The following NECAB1 variants were observed in gnomAD, a reference collection of about 807,000 sequenced individuals.
NECAB1 encodes the protein N-terminal EF-hand calcium-binding protein 1.
NECAB1 carries 29 observed loss-of-function variants against 57.5 expected under a neutral mutation model. The ratio of observed to expected loss-of-function variants is 0.50; its 90% CI spans 0.38 to 0.69. The LOEUF is 0.69. Ranked by LOEUF, NECAB1 falls within the 30% of genes least tolerant of loss-of-function variation. The pLI, the probability that NECAB1 is intolerant of heterozygous loss-of-function variation, is 0.00. For missense variants in NECAB1, 372 were observed against 413.8 expected, an observed-to-expected ratio of 0.90 and a Z score of 0.88; for synonymous variants, 142 against 147.7, an observed-to-expected ratio of 0.96 and a Z score of 0.28.
chr8:90,924,549 T>A lies in NECAB1; in HGVS notation c.495-986T>A, dbSNP rs191290414. The stretch of plus-strand genomic sequence containing the variant: ...TATATCTCCTATAAAGAAATCTTGT[T>A]GGAGGCAGCTTAAGTATTATGTCCT... On this transcript the variant is annotated intron_variant, in intron 6 of 12. Transcript: ENST00000417640. 5.3e-4 allele frequency among the ~76,000 whole-genome samples: 81 copies of A among 152,348 alleles called. 2 individuals are homozygous for A. The highest frequency in any genetic ancestry group is 1.9e-3 in the Admixed American group (29 of 15,300).
intron 5 of NECAB1, among the ~76,000 whole-genome samples, chr8:90,912,448 G>T (rs1809851859): frequency 6.6e-6 from 1 of 152,080 alleles, no homozygotes; most frequent in East Asian, 1.9e-4. Context: ...AGAATATCTG[G>T]TTAAGATAGG....
At chr8:90,881,926 A>G (rs1563515747) in intron 5 of NECAB1, among the ~76,000 whole-genome samples, 2 of 152,214 alleles carry the variant, frequency 1.3e-5, no homozygotes, top group Non-Finnish European at 2.9e-5. Flanking sequence ...CACAGGGAAC[A>G]GCACGTGCAG....
chr8:90,848,239 A>G (rs758558784), intron 3 of NECAB1, among the ~76,000 whole-genome samples: 1 of 152,226 alleles, frequency 6.6e-6, no homozygotes, highest in Non-Finnish European at 1.5e-5. Context: ...CCTTTGCTAC[A>G]GTTCCCAGCA....
rs1207435045 is a variant in NECAB1, at chr8:90,824,697, C to G, written c.125-20C>G. On this transcript the variant is annotated intron_variant, in intron 2 of 12. Coordinates refer to ENST00000417640, the MANE Select transcript of NECAB1 (RefSeq NM_022351.5). ...TACAAAATTAAAATAATTTGTGTCT[C>G]TTTGTTCTTGCCATTTCAGATGATG... 7.0e-7 allele frequency: 1 copy of G among 1,431,878 alleles called. No homozygotes were observed. The highest frequency in any genetic ancestry group is 9.5e-7 in the Non-Finnish European group (1 of 1,051,292). The allele number at this position is 1,431,878 out of a possible 1,614,324, so 88.7% of individuals were successfully genotyped here. A position where few individuals can be genotyped will look rare whatever the true frequency, so the allele number is the denominator to read the frequency against.
intron 2 of NECAB1, among the ~76,000 whole-genome samples, chr8:90,801,922 T>C (rs933870160): frequency 1.3e-5 from 2 of 152,242 alleles, no homozygotes; most frequent in Non-Finnish European, 2.9e-5. Context: ...GGAATGTTTA[T>C]GCCTTTGAAG....
intron 2 of NECAB1, among the ~76,000 whole-genome samples, chr8:90,819,106 T>C (rs950359818): frequency 5.3e-5 from 8 of 151,996 alleles, no homozygotes; most frequent in Non-Finnish European, 8.8e-5. Context: ...AACAGAGGTA[T>C]TCTTCATTTC....
At chr8:90,854,114 G>A (rs1812746240) in intron 3 of NECAB1, among the ~76,000 whole-genome samples, 1 of 152,150 alleles carries the variant, frequency 6.6e-6, no homozygotes, top group South Asian at 2.1e-4. Context: ...TAAGACACAT[G>A]TAAGTTTCAA....
chr8:90,880,299 C>T (rs1808812966), intron 4 of NECAB1, among the ~76,000 whole-genome samples: 1 of 152,034 alleles, frequency 6.6e-6, no homozygotes, highest in African/African-American at 2.4e-5. Context: ...TGTCTGAAAA[C>T]CCTAGATCTT....
chr8:90,883,019 G>GA (rs1170387464), intron 5 of NECAB1, among the ~76,000 whole-genome samples: 1 of 152,000 alleles, frequency 6.6e-6, no homozygotes, highest in African/African-American at 2.4e-5. Context: ...CTAATAGGAA[G>GA]AAAAAAACAA....
rs114527730 is a variant in NECAB1, at chr8:90,804,881, T to C, written c.124+3166T>C. ...TGACCTCTACCATGTCATGTGGTAA[T>C]TATGAATAATAAATGAGGGACTATC... On this transcript the variant is annotated intron_variant, in intron 2 of 12. Coordinates refer to ENST00000417640, the MANE Select transcript of NECAB1 (RefSeq NM_022351.5). 2.3e-3 allele frequency among the ~76,000 whole-genome samples: 352 copies of C among 152,320 alleles called. 4 individuals are homozygous for C. The highest frequency in any genetic ancestry group is 7.8e-3 in the African/African-American group (325 of 41,564).
At chr8:90,895,460 C>T (rs1809301940) in intron 5 of NECAB1, among the ~76,000 whole-genome samples, 1 of 152,194 alleles carries the variant, frequency 6.6e-6, no homozygotes. Context: ...GGTGCCACCT[C>T]AAATCCAGTT....
chr8:90,945,076 T>G (rs189393423), intron 10 of NECAB1, among the ~76,000 whole-genome samples: 1 of 151,972 alleles, frequency 6.6e-6, no homozygotes, highest in Non-Finnish European at 1.5e-5. Context: ...TTATTTATTT[T>G]TTTTTGAGAT....
rs1311828989 is a variant in NECAB1, at chr8:90,801,676, C to G, written c.100-15C>G. 1 of 1,512,458 alleles carries G rather than the reference C, an allele frequency of 6.6e-7. No individual in the cohort carries two copies. The highest frequency in any genetic ancestry group is 8.9e-7 in the Non-Finnish European group (1 of 1,123,448). The allele number at this position is 1,512,458 out of a possible 1,614,324, so 93.7% of individuals were successfully genotyped here. A position where few individuals can be genotyped will look rare whatever the true frequency, so the allele number is the denominator to read the frequency against. ...TCTAAAATGCTGATAAAATTTTTTC[C>G]TTTTTCCTTTCCAGATACTGAGGAG... On this transcript the variant is annotated splice_polypyrimidine_tract_variant and intron_variant, in intron 1 of 12. Transcript: ENST00000417640.
At chr8:90,927,293 C>G (rs192152987) in intron 7 of NECAB1, among the ~76,000 whole-genome samples, 18 of 146,088 alleles carry the variant, frequency 1.2e-4, no homozygotes, top group African/African-American at 4.1e-4. Context: ...GGTGCTTCCT[C>G]CAAGAAGGCA....
At chr8:90,823,502 T>G (rs1812178364) in intron 2 of NECAB1, among the ~76,000 whole-genome samples, 4 of 151,666 alleles carry the variant, frequency 2.6e-5, no homozygotes, top group Admixed American at 2.0e-4. Context: ...TACCCACCCC[T>G]CCATGCCCTC....
intron 5 of NECAB1, among the ~76,000 whole-genome samples, chr8:90,895,581 A>G (rs1164972672): frequency 2.0e-5 from 3 of 152,220 alleles, no homozygotes; most frequent in African/African-American, 7.2e-5. Context: ...CAAATAATAT[A>G]ATAACAGCAT....
intron 3 of NECAB1, among the ~76,000 whole-genome samples, chr8:90,833,877 T>C (rs1192512508): frequency 6.6e-6 from 1 of 152,096 alleles, no homozygotes; most frequent in South Asian, 2.1e-4. Context: ...ATTTCAGAAT[T>C]CTCAGCCAGG....
intron 3 of NECAB1, among the ~76,000 whole-genome samples, chr8:90,834,164 CAAAA>C (rs71560282): frequency 6.1e-5 from 3 of 49,132 alleles, no homozygotes; most frequent in Admixed American, 5.5e-4. Flanking sequence ...AACTGTGTCT[CAAAA>C]AAAAAAAAAA....
At chr8:90,917,963 T>C (rs1439594591) in intron 6 of NECAB1, among the ~76,000 whole-genome samples, 1 of 40,780 alleles carries the variant, frequency 2.5e-5, no homozygotes, top group Non-Finnish European at 3.6e-5. Context: ...CACACACACA[T>C]ATGTGTGTGT....
Sources: gnomAD v4.1 joint callset for allele counts (sites outside exome capture counted in the v4.1 genomes callset) on GRCh38, gnomAD v4.1.1 for gene constraint, MANE v1.5 for transcripts, NCBI Gene and HGNC (gene_info 2026-07-23, HGNC 2026-07-21) for gene names.